The following TNMD variants were observed in gnomAD, a reference collection of about 807,000 sequenced individuals.
TNMD encodes the protein tenomodulin, also known as BRICHOS domain containing 4.
TNMD carries 15 observed loss-of-function variants against 26.9 expected under a neutral mutation model. That is an observed-to-expected ratio of 0.56 (90% CI 0.37 to 0.86). TNMD has a LOEUF of 0.86. Ranked by LOEUF, TNMD falls within the 40% of genes least tolerant of loss-of-function variation. TNMD has a pLI of 0.00. For missense variants in TNMD, 222 were observed against 242.6 expected, an observed-to-expected ratio of 0.92 and a Z score of 0.56; for synonymous variants, 73 against 77.0, an observed-to-expected ratio of 0.95 and a Z score of 0.27.
At chrX:100,598,934 C>A in intron 5 of TNMD, 82 bp from the exon 6 acceptor site, 1 of 823,014 alleles carries the variant, frequency 1.2e-6, no homozygotes, top group Admixed American at 3.5e-5. Flanking sequence ...AAATCTCTAT[C>A]CCCAGCTGCT....
In TNMD at chrX:100,599,793, A is replaced by G; in HGVS notation, c.*76A>G. On this transcript the variant is annotated 3_prime_UTR_variant, in exon 7 of 7. Coordinates refer to ENST00000373031, the MANE Select transcript of TNMD (RefSeq NM_022144.3). ...CATGCTATTCAATGAATTTCTGCCT[A>G]TGAGGCATCTGGCCCCTGGTAGCCA... 3 of 973,237 alleles carry G rather than the reference A, an allele frequency of 3.1e-6. No individual in the cohort carries two copies. The highest frequency in any genetic ancestry group is 4.3e-5 in the South Asian group (2 of 46,239). The allele number at this position is 973,237 out of a possible 1,213,427, so 80.2% of individuals were successfully genotyped here.
At chrX:100,598,084 G>A (rs974323994) in intron 5 of TNMD, among the ~76,000 whole-genome samples, 1 of 111,866 alleles carries the variant, frequency 8.9e-6, no homozygotes, top group Non-Finnish European at 1.9e-5. Context: ...TAGAAGATAG[G>A]ACAATCACTG....
intron 5 of TNMD, 116 bp downstream of exon 5, chrX:100,597,773 G>GATCTATATATA (rs1457845996): frequency 1.3e-6 from 1 of 799,607 alleles, no homozygotes; most frequent in Non-Finnish European, 1.8e-6. Flanking sequence ...ATATCTTCTT[G>GATCTATATATA]GATGAGTCTA....
At chrX:100,586,898 G>A (rs944040277) in intron 2 of TNMD, among the ~76,000 whole-genome samples, 1 of 111,800 alleles carries the variant, frequency 8.9e-6, no homozygotes, top group Admixed American at 9.5e-5. Context: ...TAATTCCCAA[G>A]GTGATATGTC....
In TNMD at chrX:100,599,561, T is replaced by C. The variant is rs1213618540; in HGVS notation, c.798T>C (p.Cys266=). The change falls in exon 7 of 7, where the codon TGT becomes TGC. Residue 266 remains cysteine, a synonymous_variant. Transcript: ENST00000373031. Reference sequence around the variant, plus strand: ...TGCTGGATGAGAGAGGTTATTGTTGTATTTACTGCCGTCGAGGCAACCGCT... The same window carrying C: ...TGCTGGATGAGAGAGGTTATTGTTGCATTTACTGCCGTCGAGGCAACCGCT... ...DPMLDERGYC[C]IYCRRGNRYC... The C allele has an allele frequency of 5.8e-6, 7 of 1,208,668 alleles. No individual in the cohort carries two copies. The highest frequency in any genetic ancestry group is 2.3e-4 in the Middle Eastern group (1 of 4,354).
At chrX:100,596,676 A>G (rs1315444209) in intron 4 of TNMD, among the ~76,000 whole-genome samples, 1 of 111,822 alleles carries the variant, frequency 8.9e-6, no homozygotes, top group Non-Finnish European at 1.9e-5. Flanking sequence ...ATTTTATACA[A>G]TTCCTTTCAA....
chrX:100,591,515 C>A (rs368002398), intron 2 of TNMD, among the ~76,000 whole-genome samples: 2 of 111,683 alleles, frequency 1.8e-5, no homozygotes, highest in Admixed American at 9.5e-5. Context: ...GGGACCCAGG[C>A]GAGACAGTGT....
intron 2 of TNMD, among the ~76,000 whole-genome samples, chrX:100,592,750 A>T (rs1463549476): frequency 8.9e-6 from 1 of 112,451 alleles, no homozygotes; most frequent in African/African-American, 3.2e-5. Flanking sequence ...GAGACTAAAA[A>T]ATGACCCAAC....
chrX:100,590,434 A>C lies in TNMD; in HGVS notation c.181-3461A>C, dbSNP rs181397006. On this transcript the variant is annotated intron_variant, in intron 2 of 6. Transcript: ENST00000373031. ...TCTGAGATAGCTTTACCTTTTCTAA[A>C]TAGCTTTCTTTTCTGATCTCAGGGA... Among the ~76,000 whole-genome samples the C allele has an allele frequency of 4.3e-3, 486 of 112,436 alleles. 1 individual carries two copies. The highest frequency in any genetic ancestry group is 6.4e-3 in the Non-Finnish European group (340 of 53,260).
At chrX:100,585,409 T>C in intron 2 of TNMD, 47 bp downstream of exon 2, 1 of 1,092,665 alleles carries the variant, frequency 9.2e-7, no homozygotes, top group Non-Finnish European at 1.2e-6. Context: ...CTGAGTTTGA[T>C]TGAATTTAAT....
At position 100,599,598 on chromosome X, in the gene TNMD, G is replaced by A. The variant is rs377645140; in HGVS notation, c.835G>A (p.Val279Ile). Reference sequence around the variant, plus strand: ...TCGAGGCAACCGCTATTGCCGCCGCGTCTGTGAACCTTTACTAGGCTACTA... The same window carrying A: ...TCGAGGCAACCGCTATTGCCGCCGCATCTGTGAACCTTTACTAGGCTACTA... ...CRRGNRYCRR[V>I]CEPLLGYYPY... Residue 279 changes from valine to isoleucine, a missense_variant, in exon 7 of 7, where the codon GTC (valine) becomes ATC (isoleucine). Val to Ile is a conservative substitution (Grantham distance 29). Coordinates refer to ENST00000373031, the MANE Select transcript of TNMD (RefSeq NM_022144.3). 2.1e-5 allele frequency: 25 copies of A among 1,209,220 alleles called. No individual in the cohort carries two copies. The highest frequency in any genetic ancestry group is 1.5e-4 in the Admixed American group (7 of 45,638).
chrX:100,599,521 T>A lies in TNMD; in HGVS notation c.758T>A (p.Ile253Lys). The change falls in exon 7 of 7, where the codon ATA becomes AAA. Residue 253 changes from isoleucine to lysine, a missense_variant. Physicochemically the swap from Ile to Lys is moderately radical, Grantham distance 102 (BLOSUM62 -3). Coordinates refer to ENST00000373031, the MANE Select transcript of TNMD (RefSeq NM_022144.3). Reference sequence around the variant, plus strand: ...TTCTTCTTTCAGACTGAAAATGGAATAGAATTTGATCCCATGCTGGATGAG... The same window carrying A: ...TTCTTCTTTCAGACTGAAAATGGAAAAGAATTTGATCCCATGCTGGATGAG... ...LPINDYTENGIEFDPMLDERG... is the reference protein window; with the variant it reads ...LPINDYTENGKEFDPMLDERG... 1 of 1,207,909 alleles carries A rather than the reference T, an allele frequency of 8.3e-7. No homozygotes were observed.
rs767638299 is a variant in TNMD at position 100,599,640 on chromosome X, T to C, written c.877T>C (p.Tyr293His). 5 of 1,211,904 alleles carry C rather than the reference T, an allele frequency of 4.1e-6. No individual in the cohort carries two copies. The highest frequency in any genetic ancestry group is 1.7e-5 in the African/African-American group (1 of 57,846). ...AGGCTACTACCCATATCCATACTGCTACCAAGGAGGACGAGTCATCTGTCG... is the reference window on the plus strand; with the variant it reads ...AGGCTACTACCCATATCCATACTGCCACCAAGGAGGACGAGTCATCTGTCG... The part of the protein sequence containing the change: ...LLGYYPYPYC[Y>H]QGGRVICRVI... The change falls in exon 7 of 7, where the codon TAC (tyrosine) becomes CAC (histidine). Residue 293 changes from tyrosine (Y) to histidine (H), a missense_variant. Transcript: ENST00000373031.
Position 100,599,836 on chromosome X carries a change from G to A in TNMD, c.*119G>A. On this transcript the variant is annotated 3_prime_UTR_variant, in exon 7 of 7. Transcript: ENST00000373031. ...GGTAGCCAGCTCTCCAGAATTACTT[G>A]TAGGTAATTCCTCTCTTCATGTTCT... The A allele has an allele frequency of 1.7e-6, 1 of 595,863 alleles. No homozygotes were observed. Among genetic ancestry groups the A allele is most frequent in the Non-Finnish European group, 2.6e-6 (1 of 377,774 alleles). 49.1% of individuals were successfully genotyped at this position (595,863 alleles called of 1,213,427 possible).
intron 6 of TNMD, 99 bp downstream of exon 6, chrX:100,599,281 A>G: frequency 1.2e-6 from 1 of 811,092 alleles, no homozygotes; most frequent in Admixed American, 4.4e-5. Context: ...GAGAACGATC[A>G]TGGCTTTAAC....
intron 2 of TNMD, among the ~76,000 whole-genome samples, chrX:100,590,410 C>G (rs2082933899): frequency 8.9e-6 from 1 of 112,271 alleles, no homozygotes; most frequent in Non-Finnish European, 1.9e-5. Context: ...ACACTGAGGT[C>G]TGAGATAGCT....
At chrX:100,585,513 T>C (rs2082919610) in intron 2 of TNMD, 151 bp downstream of exon 2, 1 of 687,850 alleles carries the variant, frequency 1.5e-6, no homozygotes, top group East Asian at 3.6e-5. Flanking sequence ...AAGATTTTTC[T>C]CTCCTTCATT....
chrX:100,599,870 T>C lies in TNMD; in HGVS notation c.*153T>C. On this transcript the variant is annotated 3_prime_UTR_variant, in exon 7 of 7. Transcript: ENST00000373031. ...TCCTCTCTTCATGTTCTAATAAACT[T>C]CTACATTATCACCAACAGCCTGATT... 2.0e-6 allele frequency: 1 copy of C among 487,873 alleles called. No homozygotes were observed. Among genetic ancestry groups the C allele is most frequent in the Non-Finnish European group, 3.5e-6 (1 of 289,267 alleles). 40.2% of individuals were successfully genotyped at this position (487,873 alleles called of 1,213,427 possible).
intron 2 of TNMD, among the ~76,000 whole-genome samples, chrX:100,587,973 A>G (rs946337205): frequency 1.8e-4 from 20 of 111,767 alleles, no homozygotes; most frequent in Non-Finnish European, 5.6e-5. Context: ...AGAGCTGTGC[A>G]TGCAACTGTG....
Sources: allele counts gnomAD v4.1 joint callset (sites outside exome capture counted in the v4.1 genomes callset), GRCh38; gene constraint gnomAD v4.1.1; transcripts MANE v1.5; gene names NCBI Gene and HGNC (gene_info 2026-07-23, HGNC 2026-07-21).